Variants in POFUT3 observed in about 807,000 individuals in gnomAD.
The protein encoded by POFUT3 is GDP-fucose protein O-fucosyltransferase 3.
the POFUT3 span, chr8:33,436,722 A>T: frequency 1.5e-6 from 1 of 688,354 alleles, no homozygotes; most frequent in African/African-American, 1.8e-5. Flanking sequence ...CTAGCACAGA[A>T]ATCAGCAGGG....
the POFUT3 span, among the ~76,000 whole-genome samples, chr8:33,375,214 T>C: frequency 1.3e-5 from 2 of 152,030 alleles, no homozygotes; most frequent in Non-Finnish European, 2.9e-5. Context: ...TTTTCACACA[T>C]TCTTGCATGT....
At chr8:33,410,868 G>A in the POFUT3 span, among the ~76,000 whole-genome samples, 2 of 152,146 alleles carry the variant, frequency 1.3e-5, no homozygotes, top group African/African-American at 4.8e-5. Context: ...AAGCAGAACT[G>A]GTACACGGGG....
the POFUT3 span, among the ~76,000 whole-genome samples, chr8:33,328,859 A>G: frequency 1.3e-5 from 2 of 152,214 alleles, no homozygotes; most frequent in Non-Finnish European, 2.9e-5. Context: ...ATATGGGGGC[A>G]AGGGAGAGGG....
the POFUT3 span, among the ~76,000 whole-genome samples, chr8:33,390,065 C>T: frequency 3.3e-5 from 5 of 152,158 alleles, no homozygotes; most frequent in African/African-American, 1.2e-4. Flanking sequence ...CATGGTGGCA[C>T]ATTGCCTGTA....
At chr8:33,426,354 A>AT in the POFUT3 span, among the ~76,000 whole-genome samples, 1 of 152,202 alleles carries the variant, frequency 6.6e-6, no homozygotes, top group Admixed American at 6.5e-5. Flanking sequence ...TGGGCTAAAT[A>AT]TTTTTAGAAA....
the POFUT3 span, among the ~76,000 whole-genome samples, chr8:33,325,048 T>C: frequency 6.6e-6 from 1 of 152,198 alleles, no homozygotes; most frequent in East Asian, 1.9e-4. Context: ...CTCAAATACT[T>C]TAATGGCTTT....
chr8:33,399,536 G>C, the POFUT3 span, among the ~76,000 whole-genome samples: 2 of 152,290 alleles, frequency 1.3e-5, no homozygotes, highest in Admixed American at 6.5e-5. Flanking sequence ...CCAAGACAGG[G>C]AGTCAATGAT....
the POFUT3 span, among the ~76,000 whole-genome samples, chr8:33,341,747 T>C: frequency 1.4e-4 from 22 of 152,006 alleles, no homozygotes; most frequent in Non-Finnish European, 2.8e-4. Context: ...ATCAATGACA[T>C]TGAAAACAGA....
At chr8:33,355,069 C>A in the POFUT3 span, among the ~76,000 whole-genome samples, 1 of 152,294 alleles carries the variant, frequency 6.6e-6, no homozygotes, top group South Asian at 2.1e-4. Context: ...CTTTTGGATG[C>A]AGAATTACAA....
chr8:33,362,569 G>A, the POFUT3 span, among the ~76,000 whole-genome samples: 9 of 150,864 alleles, frequency 6.0e-5, no homozygotes, highest in Non-Finnish European at 1.0e-4. Context: ...AGGGATGGAA[G>A]AAGATCTATC....
At chr8:33,332,315 C>G in the POFUT3 span, among the ~76,000 whole-genome samples, 1 of 151,204 alleles carries the variant, frequency 6.6e-6, no homozygotes, top group Non-Finnish European at 1.5e-5. Context: ...GAAAGCCTGT[C>G]TCTACTAAAA....
At chr8:33,406,554 A>G in the POFUT3 span, among the ~76,000 whole-genome samples, 1 of 152,024 alleles carries the variant, frequency 6.6e-6, no homozygotes, top group Non-Finnish European at 1.5e-5. Flanking sequence ...CTCCTGCCTC[A>G]GCCTCCAGAG....
the POFUT3 span, among the ~76,000 whole-genome samples, chr8:33,466,561 A>G: frequency 2.6e-5 from 4 of 152,270 alleles, no homozygotes; most frequent in African/African-American, 9.6e-5. Context: ...CAGGGTAGAT[A>G]GTAGTATTGT....
chr8:33,435,468 G>A, the POFUT3 span, among the ~76,000 whole-genome samples: 24 of 148,682 alleles, frequency 1.6e-4, no homozygotes, highest in South Asian at 4.3e-3. Flanking sequence ...TGCCCACCTC[G>A]GCCTCCCAAA....
At chr8:33,362,612 G>T in the POFUT3 span, among the ~76,000 whole-genome samples, 17 of 152,014 alleles carry the variant, frequency 1.1e-4, no homozygotes, top group African/African-American at 2.2e-4. Flanking sequence ...AAAACCAGGG[G>T]TTGCAATCCT....
chr8:33,416,341 A>T, the POFUT3 span, among the ~76,000 whole-genome samples: 1 of 152,190 alleles, frequency 6.6e-6, no homozygotes, highest in East Asian at 1.9e-4. Context: ...AGTGGCTCAC[A>T]TCTGTAATCC....
At chr8:33,367,576 A>G in the POFUT3 span, among the ~76,000 whole-genome samples, 1 of 152,066 alleles carries the variant, frequency 6.6e-6, no homozygotes, top group Admixed American at 6.6e-5. Flanking sequence ...TAATTCCTCT[A>G]GTGCTGCTGG....
At chr8:33,391,264 C>G in the POFUT3 span, among the ~76,000 whole-genome samples, 1 of 152,148 alleles carries the variant, frequency 6.6e-6, no homozygotes, top group Non-Finnish European at 1.5e-5. Flanking sequence ...AAACAAAGAT[C>G]AGATAAGGTT....
the POFUT3 span, among the ~76,000 whole-genome samples, chr8:33,413,259 G>A: frequency 0.3 from 45,862 of 151,766 alleles, 7,013 homozygotes; most frequent in South Asian, 0.44. Context: ...AGGTTTCGAT[G>A]AGGTCATGAC....
Sources: allele counts gnomAD v4.1 joint callset (sites outside exome capture counted in the v4.1 genomes callset), GRCh38; gene constraint gnomAD v4.1.1; transcripts MANE v1.5; gene names NCBI Gene and HGNC (gene_info 2026-07-23, HGNC 2026-07-21).